Variants in GTF2E1 observed in about 807,000 individuals in gnomAD.
GTF2E1 encodes the protein TFIIE alpha subunit.
GTF2E1 carries 14 observed loss-of-function variants against 34.9 expected under a neutral mutation model. That is an observed-to-expected ratio of 0.40 (90% CI 0.27 to 0.63). GTF2E1 has a LOEUF of 0.63. GTF2E1 is among the 20% of genes least tolerant of loss of function. GTF2E1 has a pLI of 0.39. For synonymous variants in GTF2E1, 188 were observed against 192.9 expected (o/e 0.97, Z 0.21); for missense variants, 469 against 557.7 (o/e 0.84, Z 1.60).
intron 2 of GTF2E1, among the ~76,000 whole-genome samples, chr3:120,756,166 G>GT (rs1709207260): frequency 6.6e-6 from 1 of 152,076 alleles, no homozygotes; most frequent in African/African-American, 2.4e-5. Flanking sequence ...TTTATTTTTA[G>GT]TTTTTTGAGG....
chr3:120,755,504 G>A (rs562756772), intron 2 of GTF2E1, among the ~76,000 whole-genome samples: 1 of 151,970 alleles, frequency 6.6e-6, no homozygotes, highest in African/African-American at 2.4e-5. Flanking sequence ...ATTTTTTGTG[G>A]CTAAATAGGT....
chr3:120,775,761 G>C (rs991020468), intron 3 of GTF2E1, among the ~76,000 whole-genome samples: 1 of 152,206 alleles, frequency 6.6e-6, no homozygotes, highest in Non-Finnish European at 1.5e-5. Flanking sequence ...TTACTGCAGA[G>C]TAGAATCAGT....
chr3:120,771,012 T>C lies in GTF2E1; in HGVS notation c.650+83T>C, dbSNP rs967968869. On this transcript the variant is annotated intron_variant, in intron 3 of 4. Transcript: ENST00000283875. ...CTACCTGTACCTTGGAGAACAAGAG[T>C]GGGTAATTTACTAGGAGACTCAAGA... 1.0e-4 allele frequency: 111 copies of C among 1,114,682 alleles called. 1 individual carries two copies. The Admixed American group carries it at 1.8e-3, about 18-fold the overall frequency. 69.0% of individuals were successfully genotyped at this position (1,114,682 alleles called of 1,614,324 possible). A position where few individuals can be genotyped will look rare whatever the true frequency, so the allele number is the denominator to read the frequency against.
intron 2 of GTF2E1, among the ~76,000 whole-genome samples, chr3:120,755,449 A>G (rs904415108): frequency 6.6e-6 from 1 of 152,084 alleles, no homozygotes; most frequent in African/African-American, 2.4e-5. Context: ...TTCTCTTTCT[A>G]CTTAGAATAG....
intron 2 of GTF2E1, among the ~76,000 whole-genome samples, chr3:120,761,984 A>T (rs1559832031): frequency 6.6e-6 from 1 of 151,342 alleles, no homozygotes; most frequent in Non-Finnish European, 1.5e-5. Context: ...TAGAGACGGG[A>T]TTTCACCGTG....
In GTF2E1 at chr3:120,782,966, A is replaced by G. The variant is rs566787129; in HGVS notation, c.*1496A>G. ...GTAATTTTTAAGTATTTATCATTTT[A>G]TAGTACACATGTAAAGAATATATGA... On this transcript the variant is annotated 3_prime_UTR_variant, in exon 5 of 5. Coordinates refer to ENST00000283875, the MANE Select transcript of GTF2E1 (RefSeq NM_005513.3). 5.9e-5 allele frequency: 9 copies of G among 152,312 alleles called. No individual in the cohort carries two copies. The highest frequency in any genetic ancestry group is 2.2e-4 in the African/African-American group (9 of 41,568). 9.4% of individuals were successfully genotyped at this position (152,312 alleles called of 1,614,324 possible).
intron 2 of GTF2E1, among the ~76,000 whole-genome samples, chr3:120,766,364 C>T (rs547099450): frequency 6.6e-6 from 1 of 152,292 alleles, no homozygotes; most frequent in Non-Finnish European, 1.5e-5. Context: ...TCTTTCCTAA[C>T]ACCCTTCTGT....
At position 120,750,644 on chromosome 3, in the gene GTF2E1, C is replaced by A; in HGVS notation, c.92C>A (p.Ala31Asp). The change falls in exon 2 of 5, where the codon GCC (alanine) becomes GAC (aspartate). Residue 31 changes from alanine to aspartate, a missense_variant. Physicochemically the swap from Ala to Asp is moderately radical, Grantham distance 126. Coordinates refer to ENST00000283875, the MANE Select transcript of GTF2E1 (RefSeq NM_005513.3). The part of the protein sequence containing the change: ...VIRGFYGIEH[A>D]LALDILIRNS... ...CGGGGATTTTATGGCATTGAGCATGCCTTGGCCTTGGACATCTTGATCAGG... is the reference window on the plus strand; with the variant it reads ...CGGGGATTTTATGGCATTGAGCATGACTTGGCCTTGGACATCTTGATCAGG... 2 of 1,613,884 alleles carry A rather than the reference C, an allele frequency of 1.2e-6. No homozygotes were observed. Among genetic ancestry groups the A allele is most frequent in the Non-Finnish European group, 1.7e-6 (2 of 1,179,842 alleles).
rs1709444622 is a variant in GTF2E1 at position 120,781,253 on chromosome 3, G to A, written c.1103G>A (p.Arg368His). 4 of 1,614,116 alleles carry A rather than the reference G, an allele frequency of 2.5e-6. No homozygotes were observed. The highest frequency in any genetic ancestry group is 1.1e-5 in the South Asian group (1 of 91,088). ...TSESDDDSPP[R>H]PAAVAVHKRE... ...GAGTCAGATGATGATTCTCCACCCCGTCCGGCAGCTGTGGCTGTGCATAAA... is the reference window on the plus strand; with the variant it reads ...GAGTCAGATGATGATTCTCCACCCCATCCGGCAGCTGTGGCTGTGCATAAA... The change falls in exon 5 of 5, where the codon CGT (arginine) becomes CAT (histidine). Residue 368 changes from arginine to histidine, a missense_variant. Physicochemically the swap from Arg to His is conservative, Grantham distance 29 (BLOSUM62 0). Transcript: ENST00000283875.
At chr3:120,766,521 A>T in intron 2 of GTF2E1, among the ~76,000 whole-genome samples, 1 of 151,708 alleles carries the variant, frequency 6.6e-6, no homozygotes, top group East Asian at 1.9e-4. Flanking sequence ...GCAGTCTAAC[A>T]TCATTTTTCA....
At chr3:120,746,744 A>G (rs2107604020) in intron 1 of GTF2E1, among the ~76,000 whole-genome samples, 1 of 152,314 alleles carries the variant, frequency 6.6e-6, no homozygotes, top group East Asian at 1.9e-4. Context: ...GACTGCACTG[A>G]GCCAAGTCAC....
chr3:120,759,780 T>C (rs1320299259), intron 2 of GTF2E1, among the ~76,000 whole-genome samples: 1 of 152,236 alleles, frequency 6.6e-6, no homozygotes, highest in Non-Finnish European at 1.5e-5. Flanking sequence ...AGGCCTCTGT[T>C]CTGTTCCATT....
intron 2 of GTF2E1, among the ~76,000 whole-genome samples, chr3:120,763,298 T>TC (rs111985967): frequency 6.6e-6 from 1 of 152,168 alleles, no homozygotes; most frequent in Non-Finnish European, 1.5e-5. Flanking sequence ...GTACCTTTTT[T>TC]CCCCTTTATA....
At chr3:120,763,747 G>A (rs749573064) in intron 2 of GTF2E1, among the ~76,000 whole-genome samples, 3 of 152,102 alleles carry the variant, frequency 2.0e-5, no homozygotes, top group Non-Finnish European at 4.4e-5. Context: ...ATTTTGCAAA[G>A]CTCTCTTAGG....
chr3:120,753,577 CA>C (rs1007320478), intron 2 of GTF2E1, among the ~76,000 whole-genome samples: 14 of 152,136 alleles, frequency 9.2e-5, no homozygotes, highest in African/African-American at 3.4e-4. Context: ...TTTTCCCTGA[CA>C]AAAGGTGCTT....
chr3:120,758,123 G>A (rs1026996365), intron 2 of GTF2E1, among the ~76,000 whole-genome samples: 4 of 152,116 alleles, frequency 2.6e-5, no homozygotes, highest in African/African-American at 9.7e-5. Flanking sequence ...TCACGCCACT[G>A]CCAGCCTGGG....
At chr3:120,771,436 A>C (rs1219631164) in intron 3 of GTF2E1, among the ~76,000 whole-genome samples, 1 of 152,098 alleles carries the variant, frequency 6.6e-6, no homozygotes, top group Non-Finnish European at 1.5e-5. Context: ...TATTTTTATC[A>C]GTGTTCCCTA....
chr3:120,753,484 A>G lies in GTF2E1; in HGVS notation c.448+2484A>G, dbSNP rs532599087. Among the ~76,000 whole-genome samples the G allele has an allele frequency of 3.4e-4, 52 of 152,224 alleles. No homozygotes were observed. In the South Asian group the frequency reaches 3.7e-3, roughly 11 times the overall value. On this transcript the variant is annotated intron_variant, in intron 2 of 4. Transcript: ENST00000283875. ...GGCCTTCTACCTCCATTTCTTTTCA[A>G]TAGTTCTTAGATTGACTTATGGTTT...
At chr3:120,747,517 C>A (rs150485106) in intron 1 of GTF2E1, among the ~76,000 whole-genome samples, 1 of 152,048 alleles carries the variant, frequency 6.6e-6, no homozygotes, top group Non-Finnish European at 1.5e-5. Context: ...TTTGTTCTTG[C>A]GATAGTTTAC....
Sources: allele counts gnomAD v4.1 joint callset (sites outside exome capture counted in the v4.1 genomes callset), GRCh38; gene constraint gnomAD v4.1.1; transcripts MANE v1.5; gene names NCBI Gene and HGNC (gene_info 2026-07-23, HGNC 2026-07-21).